SLCO1B3: variants seen among roughly 807,000 people sequenced by gnomAD.
SLCO1B3 encodes solute carrier organic anion transporter family member 1B3, also known as liver-specific organic anion transporter 2.
In SLCO1B3, 72 loss-of-function variants were observed where a neutral mutation model predicts 71.8. The observed-to-expected ratio is 1.00, with a 90% CI of 0.83 to 1.22. The LOEUF (loss-of-function observed/expected upper bound fraction) is 1.22, where lower values mean the gene tolerates loss of function less well. Among genes scored for constraint, SLCO1B3 ranks in the 50% most tolerant of loss-of-function variants. SLCO1B3 has a pLI of 0.00. For synonymous variants in SLCO1B3, 298 were observed against 278.4 expected (o/e 1.07, Z -0.70); for missense variants, 911 against 819.7 (o/e 1.11, Z -1.36).
intron 8 of SLCO1B3, among the ~76,000 whole-genome samples, chr12:20,867,117 G>A (rs938106854): frequency 3.3e-5 from 5 of 152,084 alleles, no homozygotes; most frequent in Non-Finnish European, 5.9e-5. Flanking sequence ...GTGCTGAAGT[G>A]GTCTGCTTTA....
intron 3 of SLCO1B3, among the ~76,000 whole-genome samples, chr12:20,842,740 T>A (rs984698265): frequency 6.6e-6 from 1 of 152,218 alleles, no homozygotes; most frequent in Non-Finnish European, 1.5e-5. Flanking sequence ...CCTTTTAATG[T>A]TTTCTTATAC....
Position 20,854,965 on chromosome 12 carries a change from A to G in SLCO1B3, c.85-63A>G, listed in dbSNP as rs942428261. ...AAGAAAAACTGTTTTAGTTCCATGT[A>G]CCTATAAACATTATATAGTTCTTTG... On this transcript the variant is annotated intron_variant, in intron 3 of 15. Coordinates refer to ENST00000381545, the MANE Select transcript of SLCO1B3 (RefSeq NM_019844.4). 28 of 1,413,160 alleles carry G rather than the reference A, an allele frequency of 2.0e-5. No homozygotes were observed. The East Asian group carries it at 3.9e-4, about 20-fold the overall frequency. The allele number at this position is 1,413,160 out of a possible 1,614,324, so 87.5% of individuals were successfully genotyped here. A position where few individuals can be genotyped will look rare whatever the true frequency, so the allele number is the denominator to read the frequency against.
At chr12:20,821,400 T>A (rs539242133) in intron 3 of SLCO1B3, among the ~76,000 whole-genome samples, 1 of 151,400 alleles carries the variant, frequency 6.6e-6, no homozygotes, top group African/African-American at 2.4e-5. Context: ...GTTGAAGAGG[T>A]TTTAAGTTCT....
chr12:20,888,500 G>A (rs1354947669), intron 13 of SLCO1B3, among the ~76,000 whole-genome samples: 1 of 151,866 alleles, frequency 6.6e-6, no homozygotes, highest in Non-Finnish European at 1.5e-5. Context: ...GATCATTATT[G>A]TTGTATGGAA....
chr12:20,875,342 T>A lies in SLCO1B3; in HGVS notation c.835T>A (p.Leu279Met). Residue 279 changes from leucine to methionine, a missense_variant, in exon 9 of 16, where the codon TTG becomes ATG. Transcript: ENST00000381545. ...SIISSIPFFF[L>M]PKNPNKPQKE... ...TATTTCTTCCATACCATTTTTTTTCTTGCCGAAAAATCCAAATAAACCACA... is the reference window on the plus strand; with the variant it reads ...TATTTCTTCCATACCATTTTTTTTCATGCCGAAAAATCCAAATAAACCACA... The A allele has an allele frequency of 6.2e-7, 1 of 1,613,458 alleles. No individual in the cohort carries two copies. The highest frequency in any genetic ancestry group is 1.1e-5 in the South Asian group (1 of 90,900).
intron 3 of SLCO1B3, among the ~76,000 whole-genome samples, chr12:20,823,635 T>G (rs1864363702): frequency 6.6e-6 from 1 of 152,220 alleles, no homozygotes; most frequent in South Asian, 2.1e-4. Flanking sequence ...GAGCTCTCTC[T>G]CTTTTTGTGA....
At chr12:20,859,730 T>G (rs2121242488) in intron 5 of SLCO1B3, among the ~76,000 whole-genome samples, 1 of 152,222 alleles carries the variant, frequency 6.6e-6, no homozygotes, top group East Asian at 1.9e-4. Flanking sequence ...CAGCTTCATC[T>G]TCCATTGCTC....
At chr12:20,817,106 T>C (rs1026058668) in intron 3 of SLCO1B3, among the ~76,000 whole-genome samples, 4 of 152,230 alleles carry the variant, frequency 2.6e-5, no homozygotes, top group African/African-American at 9.6e-5. Context: ...GATTAATTCC[T>C]TGACAGATGG....
chr12:20,820,933 G>T (rs934890373), intron 3 of SLCO1B3, among the ~76,000 whole-genome samples: 1 of 152,110 alleles, frequency 6.6e-6, no homozygotes, highest in African/African-American at 2.4e-5. Context: ...GTGGGGGAGG[G>T]GTAGTCATGG....
chr12:20,860,599 T>TTGTGTGTGTGTG (rs34409706), intron 5 of SLCO1B3, among the ~76,000 whole-genome samples: 6 of 146,638 alleles, frequency 4.1e-5, no homozygotes, highest in African/African-American at 1.5e-4. Flanking sequence ...GTCAAGCACT[T>TTGTGTGTGTGTG]TGTGTGTGTG....
chr12:20,860,389 T>A (rs2121245155), intron 5 of SLCO1B3, among the ~76,000 whole-genome samples: 1 of 152,318 alleles, frequency 6.6e-6, no homozygotes, highest in South Asian at 2.1e-4. Flanking sequence ...TTTTATTTCT[T>A]GATCTTCATG....
At chr12:20,906,909 C>T (rs897922468) in intron 15 of SLCO1B3, among the ~76,000 whole-genome samples, 3 of 151,948 alleles carry the variant, frequency 2.0e-5, no homozygotes, top group African/African-American at 7.2e-5. Flanking sequence ...AGGAATTTAT[C>T]CTAAAGATAT....
At chr12:20,897,156 G>C (rs375256635) in intron 13 of SLCO1B3, among the ~76,000 whole-genome samples, 2 of 152,180 alleles carry the variant, frequency 1.3e-5, no homozygotes, top group African/African-American at 4.8e-5. Flanking sequence ...GTAGTTTTGT[G>C]CCCTCAGCTG....
At chr12:20,882,621 G>T (rs984121158) in intron 12 of SLCO1B3, among the ~76,000 whole-genome samples, 1 of 152,016 alleles carries the variant, frequency 6.6e-6, no homozygotes, top group Non-Finnish European at 1.5e-5. Flanking sequence ...GACCAGGCTG[G>T]TCGCAAACTC....
At chr12:20,893,025 A>G (rs1362413206) in intron 13 of SLCO1B3, among the ~76,000 whole-genome samples, 5 of 152,196 alleles carry the variant, frequency 3.3e-5, no homozygotes, top group Admixed American at 3.3e-4. Flanking sequence ...ATGATGAGAA[A>G]GGAAGTGAAG....
chr12:20,880,953 A>G lies in SLCO1B3; in HGVS notation c.1430A>G (p.Asn477Ser), dbSNP rs1865682015. ...CAGTGGGAACCAGTCTGTGGGAACA[A>G]TGGAATAACTTACCTGTCACCTTGT... Reference protein sequence around the residue: ...ESQWEPVCGNNGITYLSPCLA... With the variant: ...ESQWEPVCGNSGITYLSPCLA... Residue 477 changes from asparagine to serine, a missense_variant, in exon 12 of 16, where the codon AAT (asparagine) becomes AGT (serine). By Grantham distance (46) the Asn-to-Ser change is conservative (BLOSUM62 1). Coordinates refer to ENST00000381545, the MANE Select transcript of SLCO1B3 (RefSeq NM_019844.4). 8 of 1,612,694 alleles carry G rather than the reference A, an allele frequency of 5.0e-6. No homozygotes were observed. The highest frequency in any genetic ancestry group is 1.7e-4 in the Middle Eastern group (1 of 6,054).
At chr12:20,860,900 C>A in intron 5 of SLCO1B3, 117 bp from the exon 6 acceptor site, 1 of 1,033,178 alleles carries the variant, frequency 9.7e-7, no homozygotes, top group Non-Finnish European at 1.4e-6. Flanking sequence ...AAACAAGATT[C>A]TGGTAATTTG....
At chr12:20,857,071 T>C (rs1430942246) in intron 4 of SLCO1B3, among the ~76,000 whole-genome samples, 1 of 152,216 alleles carries the variant, frequency 6.6e-6, no homozygotes, top group Admixed American at 6.5e-5. Flanking sequence ...GGGTATGGAA[T>C]TAAAATTTCC....
chr12:20,829,816 C>G (rs1469456291), intron 3 of SLCO1B3, among the ~76,000 whole-genome samples: 1 of 152,164 alleles, frequency 6.6e-6, no homozygotes, highest in Non-Finnish European at 1.5e-5. Flanking sequence ...ATTCATGCCT[C>G]CCCTTTGTAG....
Sources: gnomAD v4.1 joint callset for allele counts (sites outside exome capture counted in the v4.1 genomes callset) on GRCh38, gnomAD v4.1.1 for gene constraint, MANE v1.5 for transcripts, NCBI Gene and HGNC (gene_info 2026-07-23, HGNC 2026-07-21) for gene names.